Variants in DCX observed in about 807,000 individuals in gnomAD.
The protein encoded by DCX is neuronal migration protein doublecortin.
In DCX, 4 loss-of-function variants were observed where a neutral mutation model predicts 20.9. The ratio of observed to expected loss-of-function variants is 0.19; its 90% confidence interval spans 0.09 to 0.44. DCX has a LOEUF of 0.44. Ranked by LOEUF, DCX falls within the 20% of genes least tolerant of loss-of-function variation. The pLI, the probability that DCX is intolerant of heterozygous loss-of-function variation, is 0.99. For missense variants in DCX, 133 were observed against 296.9 expected, an observed-to-expected ratio of 0.45 and a Z score of 4.06; for synonymous variants, 103 against 111.4, an observed-to-expected ratio of 0.92 and a Z score of 0.47.
Position 111,316,395 on chromosome X carries a change from C to A in DCX, c.947-3659G>T, listed in dbSNP as rs769510025. Among the ~76,000 whole-genome samples, 5 of 111,012 alleles carry A rather than the reference C, an allele frequency of 4.5e-5. No homozygotes were observed. The East Asian group carries it at 1.1e-3, about 25-fold the overall frequency. On this transcript the variant is annotated intron_variant, in intron 5 of 6. Transcript: ENST00000636035. Reference sequence around the variant, plus strand: ...TACAGGCATGCACCACCATGCCCAGCTAATTTTTGTATTTTTAGTAGAGAT... The same window carrying A: ...TACAGGCATGCACCACCATGCCCAGATAATTTTTGTATTTTTAGTAGAGAT...
At chrX:111,340,493 A>C (rs1922125226) in intron 3 of DCX, among the ~76,000 whole-genome samples, 1 of 111,747 alleles carries the variant, frequency 8.9e-6, no homozygotes, top group Non-Finnish European at 1.9e-5. Context: ...GTTTTCCCCC[A>C]GTGAGGCACA....
At chrX:111,382,564 C>T (rs1209310508) in intron 3 of DCX, among the ~76,000 whole-genome samples, 1 of 112,002 alleles carries the variant, frequency 8.9e-6, no homozygotes, top group Non-Finnish European at 1.9e-5. Flanking sequence ...TTTGAATGGC[C>T]TTAAGCAACT....
intron 6 of DCX, among the ~76,000 whole-genome samples, chrX:111,309,464 A>T (rs2095052703): frequency 8.9e-6 from 1 of 112,285 alleles, no homozygotes; most frequent in East Asian, 2.8e-4. Flanking sequence ...AGGAGCATGA[A>T]TCTAGGACCT....
intron 4 of DCX, 49 bp downstream of exon 4, chrX:111,333,002 T>C: frequency 1.1e-6 from 1 of 935,607 alleles, no homozygotes; most frequent in South Asian, 2.0e-5. Flanking sequence ...TCCTAAAGGA[T>C]AGAAGGGGAG....
intron 3 of DCX, among the ~76,000 whole-genome samples, chrX:111,347,776 T>C (rs756603963): frequency 9.0e-6 from 1 of 110,930 alleles, no homozygotes; most frequent in Non-Finnish European, 1.9e-5. Context: ...AATAAACTTT[T>C]CGAATAGATC....
intron 3 of DCX, among the ~76,000 whole-genome samples, chrX:111,386,102 G>T (rs1478360955): frequency 2.7e-5 from 3 of 111,352 alleles, no homozygotes; most frequent in Non-Finnish European, 3.8e-5. Flanking sequence ...AGGGCAGTAT[G>T]GAGCAGATAC....
At chrX:111,381,208 C>T in intron 3 of DCX, among the ~76,000 whole-genome samples, 1 of 108,973 alleles carries the variant, frequency 9.2e-6, no homozygotes, top group Non-Finnish European at 1.9e-5. Flanking sequence ...AATATGATGT[C>T]CTTGTGTTTT....
intron 2 of DCX, 113 bp from the exon 3 acceptor site, chrX:111,401,443 A>G (rs1336491144): frequency 1.9e-5 from 13 of 688,154 alleles, no homozygotes; most frequent in Non-Finnish European, 2.7e-5. Flanking sequence ...AAATGGTGAT[A>G]CTAACCAACC....
intron 3 of DCX, among the ~76,000 whole-genome samples, chrX:111,387,162 C>T (rs1381369905): frequency 2.7e-5 from 3 of 112,033 alleles, no homozygotes; most frequent in African/African-American, 9.7e-5. Context: ...GGCTGATTAT[C>T]TGTTAAGTAT....
At chrX:111,355,835 T>C (rs1435869159) in intron 3 of DCX, among the ~76,000 whole-genome samples, 1 of 112,403 alleles carries the variant, frequency 8.9e-6, no homozygotes, top group Admixed American at 9.4e-5. Context: ...ACACATTTAT[T>C]GGCCATCCTG....
intron 2 of DCX, among the ~76,000 whole-genome samples, chrX:111,408,034 T>C (rs1417815318): frequency 8.9e-6 from 1 of 111,752 alleles, no homozygotes; most frequent in Non-Finnish European, 1.9e-5. Flanking sequence ...TATTGGGTGA[T>C]ACAGGGTGCT....
chrX:111,341,117 A>C (rs1785282840), intron 3 of DCX, among the ~76,000 whole-genome samples: 1 of 110,717 alleles, frequency 9.0e-6, no homozygotes. Context: ...AAAGAAGCTA[A>C]GAACCTTGAT....
intron 3 of DCX, among the ~76,000 whole-genome samples, chrX:111,379,975 C>T (rs998413133): frequency 9.0e-6 from 1 of 111,634 alleles, no homozygotes; most frequent in Non-Finnish European, 1.9e-5. Context: ...TTTTCATGTA[C>T]GTGCTCCTTG....
At position 111,301,599 on chromosome X, in the gene DCX, A is replaced by G. The variant is rs968163760; in HGVS notation, c.*88T>C. On this transcript the variant is annotated 3_prime_UTR_variant, in exon 7 of 7. Coordinates refer to ENST00000636035, the MANE Select transcript of DCX (RefSeq NM_001195553.2). ...ACAAAATAAAAACTTGAAAGCACCA[A>G]TAGCCCTGTTGGACACTTGAGCAGA... The G allele has an allele frequency of 1.1e-5, 10 of 908,393 alleles. No individual in the cohort carries two copies. In the African/African-American group the frequency reaches 1.8e-4, roughly 16 times the overall value. 74.9% of individuals were successfully genotyped at this position (908,393 alleles called of 1,213,427 possible). A position where few individuals can be genotyped will look rare whatever the true frequency, so the allele number is the denominator to read the frequency against.
At chrX:111,409,272 G>A (rs185084713) in intron 2 of DCX, among the ~76,000 whole-genome samples, 2 of 111,766 alleles carry the variant, frequency 1.8e-5, no homozygotes, top group Admixed American at 1.9e-4. Flanking sequence ...TCTGGTAAGA[G>A]GTAGGATTTT....
chrX:111,409,912 C>T, intron 2 of DCX, 123 bp downstream of exon 2: 2 of 926,994 alleles, frequency 2.2e-6, no homozygotes. Flanking sequence ...GAAATTTGAG[C>T]ATCAATCAAC....
chrX:111,317,353 T>C (rs1287275189), intron 5 of DCX, among the ~76,000 whole-genome samples: 1 of 111,446 alleles, frequency 9.0e-6, no homozygotes, highest in Non-Finnish European at 1.9e-5. Context: ...TAAATGGTGC[T>C]AGGATAACTG....
At chrX:111,355,291 G>A (rs1445831486) in intron 3 of DCX, among the ~76,000 whole-genome samples, 1 of 110,784 alleles carries the variant, frequency 9.0e-6, no homozygotes, top group African/African-American at 3.3e-5. Flanking sequence ...TATCCACCCA[G>A]AGTCTAGCAC....
chrX:111,330,796 T>C (rs764613702), intron 5 of DCX, 108 bp downstream of exon 5: 15 of 1,085,452 alleles, frequency 1.4e-5, no homozygotes, highest in African/African-American at 1.8e-5. Flanking sequence ...TAGAATAGGG[T>C]TTCATGGAGA....
Sources: gnomAD v4.1 joint callset for allele counts (sites outside exome capture counted in the v4.1 genomes callset) on GRCh38, gnomAD v4.1.1 for gene constraint, MANE v1.5 for transcripts, NCBI Gene and HGNC (gene_info 2026-07-23, HGNC 2026-07-21) for gene names.